BCAS3: variants seen among roughly 807,000 people sequenced by gnomAD.
BCAS3 encodes the protein BCAS4/BCAS3 fusion.
Under a neutral mutation model 116.1 loss-of-function variants are expected in BCAS3, and 53 were observed. The observed-to-expected ratio is 0.46, with a 90% CI of 0.37 to 0.57. The LOEUF is 0.57. BCAS3 is among the 20% of genes least tolerant of loss of function. The probability of loss-of-function intolerance (pLI) is 0.00; values close to 1 mark genes in which losing one functional copy is unlikely to be tolerated. For synonymous variants in BCAS3, 391 were observed against 408.2 expected, an observed-to-expected ratio of 0.96 and a Z score of 0.51; for missense variants, 917 against 1,165.4, an observed-to-expected ratio of 0.79 and a Z score of 3.10.
Position 61,008,375 on chromosome 17 carries a change from TC to T in BCAS3, c.1487-7373del, listed in dbSNP as rs2145503570. 6.6e-6 allele frequency among the ~76,000 whole-genome samples: 1 copy of T among 152,002 alleles called. No individual in the cohort carries two copies. On this transcript the variant is annotated intron_variant, in intron 15 of 23. Transcript: ENST00000407086. This position sits in a 1 kb window ranked among gnomAD's most constrained non-coding sequence, Gnocchi z 4.6. Reference sequence around the variant, plus strand: ...CAAAAATAACCCACCTGCAGGAAATTCCCTTCTACACAGGGTATTTTTTGTT... The same window carrying T: ...CAAAAATAACCCACCTGCAGGAAATTCCTTCTACACAGGGTATTTTTTGTT...
intron 12 of BCAS3, among the ~76,000 whole-genome samples, chr17:60,916,629 A>G (rs372212901): frequency 7.2e-5 from 11 of 152,344 alleles, no homozygotes; most frequent in African/African-American, 2.4e-4. Context: ...TTGTAACATC[A>G]TCTGATGTGT....
At chr17:61,299,164 C>G (rs1015762819) in intron 22 of BCAS3, among the ~76,000 whole-genome samples, 1 of 151,566 alleles carries the variant, frequency 6.6e-6, no homozygotes, top group Non-Finnish European at 1.5e-5. Context: ...ATTCTGAGGG[C>G]CGGGCACAGT....
At chr17:60,776,429 A>G (rs1486547239) in intron 6 of BCAS3, among the ~76,000 whole-genome samples, 1 of 152,218 alleles carries the variant, frequency 6.6e-6, no homozygotes, top group East Asian at 1.9e-4. Flanking sequence ...ATAACAATAT[A>G]AGAACAAATG....
intron 22 of BCAS3, among the ~76,000 whole-genome samples, chr17:61,240,293 C>T (rs990955439): frequency 2.0e-5 from 3 of 152,198 alleles, no homozygotes; most frequent in Non-Finnish European, 4.4e-5. Context: ...TAGGGACAGG[C>T]TTTGAACTCA....
intron 6 of BCAS3, among the ~76,000 whole-genome samples, chr17:60,793,797 T>G (rs1216723001): frequency 1.3e-5 from 2 of 152,238 alleles, no homozygotes; most frequent in Non-Finnish European, 2.9e-5. Context: ...GAGTTTCTTA[T>G]CCACTTGTTG....
intron 6 of BCAS3, among the ~76,000 whole-genome samples, chr17:60,771,904 C>T (rs890503603): frequency 1.3e-5 from 2 of 152,182 alleles, no homozygotes; most frequent in African/African-American, 4.8e-5. Context: ...TTTATGGCTG[C>T]ATAGTATTCC....
At position 61,284,502 on chromosome 17, in the gene BCAS3, G is replaced by A. The variant is rs190394175; in HGVS notation, c.2426-83825G>A. Among the ~76,000 whole-genome samples the A allele has an allele frequency of 3.3e-5, 5 of 152,250 alleles. No individual in the cohort carries two copies. The East Asian group carries it at 5.8e-4, about 18-fold the overall frequency. ...ATCTTTAAGAACTGTAACACTCATC[G>A]CGAGGGTCCGCGGCTGGTTCTTGAA... On this transcript the variant is annotated intron_variant, in intron 22 of 23. Coordinates refer to ENST00000407086, the MANE Select transcript of BCAS3 (RefSeq NM_017679.5).
At chr17:61,338,439 G>A (rs1486402629) in intron 22 of BCAS3, among the ~76,000 whole-genome samples, 1 of 145,938 alleles carries the variant, frequency 6.9e-6, no homozygotes, top group African/African-American at 2.5e-5. Context: ...TGGGTTCTGT[G>A]AACTTCTCTG....
intron 22 of BCAS3, among the ~76,000 whole-genome samples, chr17:61,287,587 A>C (rs1225074210): frequency 6.6e-6 from 1 of 151,732 alleles, no homozygotes; most frequent in Non-Finnish European, 1.5e-5. Flanking sequence ...TTAGCCAGGC[A>C]TGGTGATGGG....
At chr17:61,146,650 G>C (rs977008639) in intron 22 of BCAS3, among the ~76,000 whole-genome samples, 2 of 152,058 alleles carry the variant, frequency 1.3e-5, no homozygotes, top group Admixed American at 6.6e-5. Context: ...TTGAATTCTA[G>C]GCTTTGCTGG....
chr17:61,125,906 T>A (rs1336018778), intron 22 of BCAS3, among the ~76,000 whole-genome samples: 1 of 152,158 alleles, frequency 6.6e-6, no homozygotes, highest in Non-Finnish European at 1.5e-5. Context: ...CCTTTTGTAG[T>A]TGACTTATAA....
rs1281216366 is a variant in BCAS3, at chr17:61,378,334, C to T, written c.2593+9840C>T. 14 of 152,358 alleles carry T rather than the reference C, an allele frequency of 9.2e-5. No individual in the cohort carries two copies. The highest frequency in any genetic ancestry group is 7.9e-4 in the Admixed American group (12 of 15,262). 9.4% of individuals were successfully genotyped at this position (152,358 alleles called of 1,614,324 possible). ...CGTCTTAGGCCAAGCTCAAATCTCA[C>T]CTCCTCTGTGTTGCTTTCCCTGACC... On this transcript the variant is annotated intron_variant, in intron 23 of 23. Transcript: ENST00000407086. This position sits in a 1 kb window ranked among gnomAD's most constrained non-coding sequence, Gnocchi z 5.8.
At chr17:61,016,900 T>G (rs1023842541) in intron 16 of BCAS3, 4 of 152,178 alleles carry the variant, frequency 2.6e-5, no homozygotes, top group African/African-American at 9.6e-5. Context: ...GGACAAGGCC[T>G]TTGAGCTCCA....
At chr17:60,841,241 A>G (rs1355359106) in intron 7 of BCAS3, among the ~76,000 whole-genome samples, 1 of 152,178 alleles carries the variant, frequency 6.6e-6, no homozygotes, top group Non-Finnish European at 1.5e-5. Flanking sequence ...GTATCTATTA[A>G]AAAACCCTTC....
chr17:61,374,254 T>G (rs1237539718), intron 23 of BCAS3, among the ~76,000 whole-genome samples: 1 of 150,476 alleles, frequency 6.6e-6, no homozygotes, highest in African/African-American at 2.4e-5. Flanking sequence ...CACTGCAACC[T>G]CTGCCTCCAG....
At chr17:60,847,648 G>A (rs1208357335) in intron 7 of BCAS3, among the ~76,000 whole-genome samples, 2 of 152,052 alleles carry the variant, frequency 1.3e-5, no homozygotes, top group African/African-American at 4.8e-5. Flanking sequence ...TTGGAAAAAT[G>A]TCTATTCAAT....
Position 61,334,526 on chromosome 17 carries a change from G to A in BCAS3, c.2426-33801G>A, listed in dbSNP as rs766959085. On this transcript the variant is annotated intron_variant, in intron 22 of 23. Coordinates refer to ENST00000407086, the MANE Select transcript of BCAS3 (RefSeq NM_017679.5). ...ACTGAAAATACAAAATTAGCTGGGC[G>A]TGGTGGCCCTGCCCGTATTCCCAGC... is the stretch of plus-strand genomic sequence containing the variant. Among the ~76,000 whole-genome samples, 4 of 151,996 alleles carry A rather than the reference G, an allele frequency of 2.6e-5. 1 individual carries two copies. The highest frequency in any genetic ancestry group is 2.0e-4 in the Admixed American group (3 of 15,256).
intron 22 of BCAS3, among the ~76,000 whole-genome samples, chr17:61,234,812 A>G (rs2082905430): frequency 6.7e-6 from 1 of 149,928 alleles, no homozygotes; most frequent in Non-Finnish European, 1.5e-5. Context: ...AAATCATAGT[A>G]CTGCTTCGCA....
intron 7 of BCAS3, among the ~76,000 whole-genome samples, chr17:60,820,990 A>ACTG (rs1458011530): frequency 6.6e-6 from 1 of 152,200 alleles, no homozygotes. Context: ...CTTGTCGCCC[A>ACTG]GGCTGGAGGG....
Sources: allele counts gnomAD v4.1 joint callset (sites outside exome capture counted in the v4.1 genomes callset), GRCh38; gene constraint gnomAD v4.1.1; non-coding constraint Gnocchi (gnomAD v3.1); transcripts MANE v1.5; gene names NCBI Gene and HGNC (gene_info 2026-07-23, HGNC 2026-07-21).